Variants in QTMAN observed in about 807,000 individuals in gnomAD.
QTMAN encodes queuosine-tRNA mannosyltransferase.
the QTMAN span, among the ~76,000 whole-genome samples, chr2:144,263,051 T>C: frequency 2.2e-4 from 34 of 151,130 alleles, no homozygotes; most frequent in Non-Finnish European, 4.3e-4. Flanking sequence ...TTCATAGGCC[T>C]GTAGACCATG....
the QTMAN span, among the ~76,000 whole-genome samples, chr2:144,041,216 T>C: frequency 6.6e-6 from 1 of 152,282 alleles, no homozygotes; most frequent in Non-Finnish European, 1.5e-5. Context: ...AGAGGAAAAC[T>C]GTGATAACCA....
At chr2:144,177,396 C>T in the QTMAN span, among the ~76,000 whole-genome samples, 2 of 152,034 alleles carry the variant, frequency 1.3e-5, no homozygotes, top group African/African-American at 4.8e-5. Context: ...ACCAACCCTA[C>T]TAGACATTAA....
chr2:144,316,577 T>C, the QTMAN span, among the ~76,000 whole-genome samples: 1 of 152,164 alleles, frequency 6.6e-6, no homozygotes, highest in East Asian at 1.9e-4. Context: ...TTTTGTACCA[T>C]GGCATCACTT....
chr2:143,947,212 T>G, the QTMAN span: 2 of 1,072,364 alleles, frequency 1.9e-6, no homozygotes, highest in Non-Finnish European at 2.9e-6. Context: ...TGCTGAAAAT[T>G]TATATTGCAA....
chr2:143,985,638 T>A, the QTMAN span, among the ~76,000 whole-genome samples: 1 of 152,206 alleles, frequency 6.6e-6, no homozygotes, highest in East Asian at 1.9e-4. Flanking sequence ...AAATGGAAAC[T>A]GTACCATGCT....
At chr2:143,981,542 TA>T in the QTMAN span, among the ~76,000 whole-genome samples, 1 of 152,220 alleles carries the variant, frequency 6.6e-6, no homozygotes, top group African/African-American at 2.4e-5. Context: ...TTTCTGATTT[TA>T]AAAATGTTAA....
chr2:144,209,446 T>A, the QTMAN span, among the ~76,000 whole-genome samples: 4 of 152,246 alleles, frequency 2.6e-5, no homozygotes, highest in Non-Finnish European at 4.4e-5. Flanking sequence ...CTTTGATCAC[T>A]TCCCCACACT....
At chr2:144,041,413 A>C in the QTMAN span, among the ~76,000 whole-genome samples, 1 of 152,228 alleles carries the variant, frequency 6.6e-6, no homozygotes, top group Non-Finnish European at 1.5e-5. Flanking sequence ...ATTCAAGGGA[A>C]AAATACCCAG....
the QTMAN span, among the ~76,000 whole-genome samples, chr2:144,301,703 T>G: frequency 6.6e-6 from 1 of 152,142 alleles, no homozygotes; most frequent in African/African-American, 2.4e-5. Context: ...TAAAAGCACA[T>G]CCACTACCAA....
the QTMAN span, among the ~76,000 whole-genome samples, chr2:143,965,771 A>C: frequency 6.6e-6 from 1 of 152,138 alleles, no homozygotes; most frequent in African/African-American, 2.4e-5. Flanking sequence ...GGAGGTGGGA[A>C]TCTCTGGTTG....
chr2:144,216,051 A>G, the QTMAN span, among the ~76,000 whole-genome samples: 1 of 151,902 alleles, frequency 6.6e-6, no homozygotes, highest in Non-Finnish European at 1.5e-5. Flanking sequence ...CTTTTCCCCA[A>G]CTTCCCCAGA....
the QTMAN span, among the ~76,000 whole-genome samples, chr2:144,138,428 A>T: frequency 1.3e-5 from 2 of 152,086 alleles, no homozygotes; most frequent in Non-Finnish European, 2.9e-5. Context: ...AGAAAAAAAA[A>T]TTTTAAGATG....
At chr2:144,197,481 C>T in the QTMAN span, among the ~76,000 whole-genome samples, 24 of 151,940 alleles carry the variant, frequency 1.6e-4, no homozygotes, top group Non-Finnish European at 3.2e-4. Context: ...CTTACTGAGC[C>T]AATGTAATGA....
At chr2:143,991,396 C>CCCCCGCCCGGCCAGCTG in the QTMAN span, among the ~76,000 whole-genome samples, 4 of 151,548 alleles carry the variant, frequency 2.6e-5, no homozygotes, top group African/African-American at 9.8e-5. Context: ...GGGGGTCAGC[C>CCCCCGCCCGGCCAGCTG]CCCCGCCCGG....
the QTMAN span, among the ~76,000 whole-genome samples, chr2:144,270,257 A>AG: frequency 2.3e-4 from 35 of 152,192 alleles, no homozygotes; most frequent in Non-Finnish European, 4.0e-4. Flanking sequence ...CAATTCCTCA[A>AG]GGATCTAGAA....
the QTMAN span, among the ~76,000 whole-genome samples, chr2:144,204,609 G>A: frequency 6.6e-6 from 1 of 152,168 alleles, no homozygotes; most frequent in African/African-American, 2.4e-5. Context: ...TCTAGAACTA[G>A]AAATACCATT....
chr2:144,189,659 G>C, the QTMAN span, among the ~76,000 whole-genome samples: 3 of 151,348 alleles, frequency 2.0e-5, no homozygotes, highest in Middle Eastern at 3.2e-3. Context: ...CTCTGTCACC[G>C]AGGCTGCTGG....
the QTMAN span, among the ~76,000 whole-genome samples, chr2:144,055,805 G>A: frequency 1.3e-5 from 2 of 152,190 alleles, no homozygotes; most frequent in Non-Finnish European, 2.9e-5. Flanking sequence ...GGGCAGTCAT[G>A]CCTGGATCAT....
chr2:144,112,375 G>A, the QTMAN span, among the ~76,000 whole-genome samples: 1 of 152,194 alleles, frequency 6.6e-6, no homozygotes, highest in South Asian at 2.1e-4. Context: ...ATTAGCTAGA[G>A]AACTTTGAAC....
Sources: allele counts gnomAD v4.1 joint callset (sites outside exome capture counted in the v4.1 genomes callset), GRCh38; gene constraint gnomAD v4.1.1; transcripts MANE v1.5; gene names NCBI Gene and HGNC (gene_info 2026-07-23, HGNC 2026-07-21).